The following MGA variants were observed in gnomAD, a reference collection of about 807,000 sequenced individuals.
MGA encodes the protein MAX dimerization protein MGA.
A neutral mutation model predicts 261.1 loss-of-function variants in MGA; 40 were observed. That is an observed-to-expected ratio of 0.15 (90% CI 0.12 to 0.20). The LOEUF (loss-of-function observed/expected upper bound fraction) is 0.20, where lower values mean the gene tolerates loss of function less well. MGA is among the 10% of genes least tolerant of loss of function. The pLI is 1.00. For missense variants in MGA, 3,397 were observed against 3,630.5 expected (o/e 0.94, Z 1.65); for synonymous variants, 1,302 against 1,290.6 (o/e 1.01, Z -0.19).
intron 1 of MGA, among the ~76,000 whole-genome samples, chr15:41,636,666 C>T (rs1438217928): frequency 6.6e-6 from 1 of 152,104 alleles, no homozygotes; most frequent in Non-Finnish European, 1.5e-5. Context: ...CTGTCCTCCT[C>T]AACCTCCCAA....
At chr15:41,721,740 TCTC>T (rs2060950086) in intron 9 of MGA, among the ~76,000 whole-genome samples, 1 of 152,124 alleles carries the variant, frequency 6.6e-6, no homozygotes, top group Non-Finnish European at 1.5e-5. Flanking sequence ...CAATGGGAAA[TCTC>T]CTACACTGCT....
chr15:41,671,784 C>T (rs2058075826), intron 2 of MGA, among the ~76,000 whole-genome samples: 1 of 152,152 alleles, frequency 6.6e-6, no homozygotes, highest in African/African-American at 2.4e-5. Context: ...ATGAGTTCCC[C>T]TTGTCTTGTC....
chr15:41,700,396 T>C (rs2059786376), intron 5 of MGA, among the ~76,000 whole-genome samples: 1 of 152,062 alleles, frequency 6.6e-6, no homozygotes, highest in Non-Finnish European at 1.5e-5. Context: ...GTCCTAATGC[T>C]CTCCCTCCCC....
intron 7 of MGA, among the ~76,000 whole-genome samples, chr15:41,710,229 A>G (rs1261577819): frequency 6.6e-6 from 1 of 152,190 alleles, no homozygotes; most frequent in Non-Finnish European, 1.5e-5. Flanking sequence ...CTTTGTAAGA[A>G]TTAGTGCCTC....
chr15:41,698,532 T>C (rs1298777250), intron 3 of MGA, among the ~76,000 whole-genome samples: 3 of 152,220 alleles, frequency 2.0e-5, no homozygotes, highest in Admixed American at 6.5e-5. Context: ...TCCTCCCTTC[T>C]TGTTAGCTGA....
At chr15:41,692,553 T>A (rs187393765) in intron 2 of MGA, among the ~76,000 whole-genome samples, 33 of 152,300 alleles carry the variant, frequency 2.2e-4, no homozygotes, top group Non-Finnish European at 1.3e-4. Context: ...AAGGCTGATC[T>A]TCTTCTGTAA....
intron 1 of MGA, among the ~76,000 whole-genome samples, chr15:41,630,552 AG>A (rs1236306944): frequency 1.3e-5 from 2 of 152,144 alleles, no homozygotes; most frequent in Non-Finnish European, 2.9e-5. Flanking sequence ...TATTATGTCA[AG>A]TTGTTGGTTT....
At chr15:41,636,301 T>C (rs1483340903) in intron 1 of MGA, among the ~76,000 whole-genome samples, 1 of 151,750 alleles carries the variant, frequency 6.6e-6, no homozygotes, top group East Asian at 1.9e-4. Context: ...TATTTTATTT[T>C]ATTTTTTTTG....
At chr15:41,713,020 T>C (rs1188571275) in intron 8 of MGA, 131 bp from the exon 9 acceptor site, 1 of 1,325,526 alleles carries the variant, frequency 7.5e-7, no homozygotes, top group Non-Finnish European at 1.0e-6. Flanking sequence ...GTTCTGTCCT[T>C]TGAATCTGCA....
intron 1 of MGA, among the ~76,000 whole-genome samples, chr15:41,624,406 G>A (rs1475259678): frequency 2.0e-5 from 3 of 151,620 alleles, no homozygotes; most frequent in Admixed American, 1.3e-4. Flanking sequence ...CTATGCCGCC[G>A]CCACCACGCC....
intron 1 of MGA, among the ~76,000 whole-genome samples, chr15:41,663,577 C>T (rs1460585490): frequency 2.0e-5 from 3 of 152,056 alleles, no homozygotes; most frequent in African/African-American, 7.2e-5. Flanking sequence ...TCATTGCAAC[C>T]TCCTGCCTCA....
upstream of MGA, among the ~76,000 whole-genome samples, chr15:41,656,868 C>T (rs2057213362): frequency 1.3e-5 from 2 of 152,162 alleles, no homozygotes; most frequent in African/African-American, 4.8e-5. Context: ...CCTCGACCTC[C>T]TGTGGTCAAG....
intron 2 of MGA, among the ~76,000 whole-genome samples, chr15:41,674,933 T>G (rs1219662235): frequency 6.6e-6 from 1 of 152,254 alleles, no homozygotes; most frequent in Non-Finnish European, 1.5e-5. Flanking sequence ...GAATTTTTCT[T>G]TTTACTTTAA....
chr15:41,711,438 C>T (rs930107579), intron 8 of MGA, 89 bp downstream of exon 8: 3 of 1,314,728 alleles, frequency 2.3e-6, no homozygotes, highest in African/African-American at 3.0e-5. Context: ...TACTTTTTGG[C>T]AGGGTGATCA....
chr15:41,714,101 A>G (rs1034866358), intron 9 of MGA, among the ~76,000 whole-genome samples: 3 of 152,086 alleles, frequency 2.0e-5, no homozygotes, highest in Non-Finnish European at 4.4e-5. Context: ...TATTGAAATG[A>G]TTTTACCGTA....
intron 7 of MGA, 68 bp downstream of exon 7, chr15:41,708,276 A>G: frequency 1.7e-6 from 2 of 1,150,734 alleles, no homozygotes; most frequent in Non-Finnish European, 2.5e-6. Context: ...GTTAAAAGTA[A>G]GTCTTGGTTG....
chr15:41,713,499 G>T lies in MGA; in HGVS notation c.3430+3G>T. ...GAAGAGAAAGAAGCTAGAATACAGT[G>T]AGTATTAATTGAGAGTTAAAACTGT... is the stretch of plus-strand genomic sequence containing the variant. On this transcript the variant is annotated splice_donor_region_variant and intron_variant, in intron 9 of 23. Coordinates refer to ENST00000219905, the MANE Select transcript of MGA (RefSeq NM_001164273.2). The T allele has an allele frequency of 6.5e-7, 1 of 1,537,106 alleles. No individual in the cohort carries two copies. The highest frequency in any genetic ancestry group is 1.2e-5 in the South Asian group (1 of 82,848).
At chr15:41,726,231 G>C (rs1044198644) in intron 9 of MGA, among the ~76,000 whole-genome samples, 3 of 152,018 alleles carry the variant, frequency 2.0e-5, no homozygotes, top group Non-Finnish European at 4.4e-5. Context: ...GCCTCTTACT[G>C]GTTGGACATC....
rs559862122 is a variant in MGA at position 41,729,366 on chromosome 15, A to G, written c.3843+17A>G. The G allele has an allele frequency of 2.8e-5, 44 of 1,593,898 alleles. No individual in the cohort carries two copies. The East Asian group carries it at 8.1e-4, about 29-fold the overall frequency. On this transcript the variant is annotated intron_variant, in intron 11 of 23. Coordinates refer to ENST00000219905, the MANE Select transcript of MGA (RefSeq NM_001164273.2). The stretch of plus-strand genomic sequence containing the variant: ...AATGCAAAGGTGAGTTTCTTGTTGC[A>G]TAAGTTCTTTTTAACTTCTGATTAC...
Sources: allele counts gnomAD v4.1 joint callset (sites outside exome capture counted in the v4.1 genomes callset), GRCh38; gene constraint gnomAD v4.1.1; transcripts MANE v1.5; gene names NCBI Gene and HGNC (gene_info 2026-07-23, HGNC 2026-07-21).